ACADSB: variants seen among roughly 807,000 people sequenced by gnomAD.
ACADSB encodes the protein short/branched chain specific acyl-CoA dehydrogenase, mitochondrial.
ACADSB carries 40 observed loss-of-function variants against 54.1 expected under a neutral mutation model. The ratio of observed to expected loss-of-function variants is 0.74; its 90% CI spans 0.57 to 0.96. The LOEUF (loss-of-function observed/expected upper bound fraction) is 0.96. ACADSB is among the 40% of genes least tolerant of loss of function. The probability of loss-of-function intolerance (pLI) is 0.00; values close to 1 mark genes in which losing one functional copy is unlikely to be tolerated. For missense variants in ACADSB, 530 were observed against 510.4 expected (o/e 1.04, Z -0.37); for synonymous variants, 182 against 182.8 (o/e 1.00, Z 0.03).
chr10:123,038,842 T>G (rs1407964734), intron 3 of ACADSB, among the ~76,000 whole-genome samples: 2 of 152,234 alleles, frequency 1.3e-5, no homozygotes, highest in African/African-American at 2.4e-5. Flanking sequence ...AGGAGGCCGA[T>G]GTGGAGAACA....
chr10:123,045,144 T>A (rs1589743319), intron 7 of ACADSB, among the ~76,000 whole-genome samples: 1 of 13,582 alleles, frequency 7.4e-5, no homozygotes, highest in Non-Finnish European at 1.4e-4. Flanking sequence ...TATATATATA[T>A]ATATATATAT....
intron 6 of ACADSB, among the ~76,000 whole-genome samples, chr10:123,043,824 T>C (rs1183379038): frequency 6.6e-6 from 1 of 152,242 alleles, no homozygotes; most frequent in Non-Finnish European, 1.5e-5. Context: ...ACTACCCATA[T>C]TACAAAACTA....
chr10:123,044,157 A>G (rs1361743147), intron 6 of ACADSB, among the ~76,000 whole-genome samples: 1 of 152,124 alleles, frequency 6.6e-6, no homozygotes, highest in Non-Finnish European at 1.5e-5. Flanking sequence ...CTCTAGATTC[A>G]CTCATCCATT....
chr10:123,020,263 A>G (rs1019481373), intron 1 of ACADSB, among the ~76,000 whole-genome samples: 1 of 152,184 alleles, frequency 6.6e-6, no homozygotes, highest in African/African-American at 2.4e-5. Context: ...ATATTTGCCT[A>G]TTCATCTTCA....
chr10:123,045,999 T>C lies in ACADSB; in HGVS notation c.901-1210T>C, dbSNP rs182815488. Among the ~76,000 whole-genome samples, 234 of 152,360 alleles carry C rather than the reference T, an allele frequency of 1.5e-3. 2 individuals are homozygous for C. Among genetic ancestry groups the C allele is most frequent in the African/African-American group, 5.2e-3 (217 of 41,592 alleles). ...GAATTCAGTTTTTCAGTGTTTGTAG[T>C]AGAAACATTTTACTGAGGTAGAAAA... is the stretch of plus-strand genomic sequence containing the variant. On this transcript the variant is annotated intron_variant, in intron 7 of 10. Coordinates refer to ENST00000358776, the MANE Select transcript of ACADSB (RefSeq NM_001609.4).
At chr10:123,043,973 T>G (rs1850514496) in intron 6 of ACADSB, among the ~76,000 whole-genome samples, 1 of 152,186 alleles carries the variant, frequency 6.6e-6, no homozygotes, top group Non-Finnish European at 1.5e-5. Flanking sequence ...CCACCGTTGA[T>G]TTTTATGAGG....
chr10:123,041,472 A>C (rs902089219), intron 5 of ACADSB, 93 bp downstream of exon 5: 3 of 1,337,656 alleles, frequency 2.2e-6, no homozygotes, highest in Non-Finnish European at 3.2e-6. Flanking sequence ...TTAGGACTTC[A>C]TCTTGAACTC....
Position 123,030,513 on chromosome 10 carries a change from C to T in ACADSB, c.43-3843C>T, listed in dbSNP as rs569581064. ...TTGCACTCCAGCCTGGGTGACAGAGCGAGACTCTGTCTCAAAAAAAAAAAA... is the reference window on the plus strand; with the variant it reads ...TTGCACTCCAGCCTGGGTGACAGAGTGAGACTCTGTCTCAAAAAAAAAAAA... On this transcript the variant is annotated intron_variant, in intron 1 of 10. Coordinates refer to ENST00000358776, the MANE Select transcript of ACADSB (RefSeq NM_001609.4). 1.2e-4 allele frequency among the ~76,000 whole-genome samples: 16 copies of T among 136,366 alleles called. No individual in the cohort carries two copies. In the South Asian group the frequency reaches 2.7e-3, roughly 23 times the overall value. 89.5% of individuals were successfully genotyped at this position (136,366 alleles called of 152,430 possible). A position where few individuals can be genotyped will look rare whatever the true frequency, so the allele number is the denominator to read the frequency against.
At chr10:123,016,226 A>G (rs1258282685) in intron 1 of ACADSB, among the ~76,000 whole-genome samples, 5 of 152,266 alleles carry the variant, frequency 3.3e-5, no homozygotes, top group Admixed American at 2.0e-4. Context: ...TTAAATTTAA[A>G]GGAGTTTAAT....
intron 1 of ACADSB, among the ~76,000 whole-genome samples, chr10:123,012,350 C>G (rs983423078): frequency 2.0e-5 from 3 of 152,160 alleles, no homozygotes; most frequent in African/African-American, 7.2e-5. Context: ...ATGTGTCCCC[C>G]AAAATTCATG....
intron 10 of ACADSB, 39 bp from the exon 11 acceptor site, chr10:123,053,656 C>G (rs1286027861): frequency 1.3e-6 from 2 of 1,563,104 alleles, no homozygotes; most frequent in Non-Finnish European, 1.8e-6. Context: ...TAACCATGCG[C>G]CAACTCCTCA....
At chr10:123,050,685 A>G (rs1481507393) in intron 8 of ACADSB, among the ~76,000 whole-genome samples, 1 of 151,790 alleles carries the variant, frequency 6.6e-6, no homozygotes, top group African/African-American at 2.4e-5. Flanking sequence ...AATATATTCA[A>G]AGTTTTGCTG....
chr10:123,047,672 C>T (rs977832813), intron 8 of ACADSB, among the ~76,000 whole-genome samples: 1 of 152,068 alleles, frequency 6.6e-6, no homozygotes, highest in African/African-American at 2.4e-5. Context: ...CTTAAACTGC[C>T]TCATCTGTAA....
chr10:123,037,944 T>C, intron 3 of ACADSB, 97 bp downstream of exon 3: 1 of 936,620 alleles, frequency 1.1e-6, no homozygotes, highest in Non-Finnish European at 1.7e-6. Context: ...GTCAAAATTA[T>C]CTGTTTTCTT....
chr10:123,039,034 C>T (rs1850437576), intron 3 of ACADSB, among the ~76,000 whole-genome samples: 1 of 152,200 alleles, frequency 6.6e-6, no homozygotes, highest in Non-Finnish European at 1.5e-5. Context: ...TCTCCACAAA[C>T]CACTCCTGTG....
chr10:123,016,103 C>T (rs1351708477), intron 1 of ACADSB, among the ~76,000 whole-genome samples: 4 of 152,124 alleles, frequency 2.6e-5, no homozygotes, highest in African/African-American at 7.2e-5. Flanking sequence ...GTTTTAGACA[C>T]GTTTTAGGTA....
chr10:123,024,941 A>C lies in ACADSB; in HGVS notation c.43-9415A>C, dbSNP rs183786471. Among the ~76,000 whole-genome samples, 242 of 152,352 alleles carry C rather than the reference A, an allele frequency of 1.6e-3. 1 individual carries two copies. The highest frequency in any genetic ancestry group is 4.4e-3 in the Admixed American group (68 of 15,298). ...TTTAATTTAGTTCTAGGAAACCCTT[A>C]GGTTCCCTGCCTCCAGACCCTATTT... On this transcript the variant is annotated intron_variant, in intron 1 of 10. Coordinates refer to ENST00000358776, the MANE Select transcript of ACADSB (RefSeq NM_001609.4).
In ACADSB at chr10:123,056,610, A is replaced by G. The variant is rs1850711651; in HGVS notation, c.*2845A>G. The G allele has an allele frequency of 6.6e-6, 1 of 152,258 alleles. No homozygotes were observed. Among genetic ancestry groups the G allele is most frequent in the Non-Finnish European group, 1.5e-5 (1 of 68,060 alleles). 9.4% of individuals were successfully genotyped at this position (152,258 alleles called of 1,614,324 possible). On this transcript the variant is annotated 3_prime_UTR_variant, in exon 11 of 11. Transcript: ENST00000358776. ...TGTGGCCTGAGTCCCCTCAGGAGGA[A>G]GGTGGACAACAGAGAAATGAGAGTT...
intron 8 of ACADSB, among the ~76,000 whole-genome samples, chr10:123,050,343 C>T (rs561477012): frequency 6.6e-6 from 1 of 152,358 alleles, no homozygotes; most frequent in East Asian, 1.9e-4. Flanking sequence ...GCCTCTGTCA[C>T]TCAGGGCGGT....
Sources: allele counts gnomAD v4.1 joint callset (sites outside exome capture counted in the v4.1 genomes callset), GRCh38; gene constraint gnomAD v4.1.1; transcripts MANE v1.5; gene names NCBI Gene and HGNC (gene_info 2026-07-23, HGNC 2026-07-21).